The following SEC11A variants were observed in gnomAD, a reference collection of about 807,000 sequenced individuals.
The protein encoded by SEC11A is signal peptidase complex catalytic subunit SEC11A.
In SEC11A, 14 loss-of-function variants were observed where a neutral mutation model predicts 25.6. The observed-to-expected ratio is 0.55, with a 90% CI of 0.36 to 0.85. The LOEUF (loss-of-function observed/expected upper bound fraction) is 0.85. Ranked by LOEUF, SEC11A falls within the 40% of genes least tolerant of loss-of-function variation. The pLI is 0.01. For synonymous variants in SEC11A, 83 were observed against 76.4 expected (o/e 1.09, Z -0.45); for missense variants, 153 against 222.9 (o/e 0.69, Z 2.00).
chr15:84,704,710 C>T (rs1045946472), intron 1 of SEC11A, among the ~76,000 whole-genome samples: 3 of 152,102 alleles, frequency 2.0e-5, no homozygotes, highest in African/African-American at 7.2e-5. Flanking sequence ...CAGTAATTCA[C>T]GACTATAAAC....
intron 1 of SEC11A, among the ~76,000 whole-genome samples, chr15:84,697,730 T>A (rs527548011): frequency 6.6e-6 from 1 of 152,198 alleles, no homozygotes; most frequent in African/African-American, 2.4e-5. Flanking sequence ...GGAATGTATA[T>A]AATTGGAAAA....
At position 84,695,463 on chromosome 15, in the gene SEC11A, C is replaced by CA. The variant is rs1256181529; in HGVS notation, c.52-3820dup. 5.8e-3 allele frequency among the ~76,000 whole-genome samples: 691 copies of CA among 118,594 alleles called. 2 individuals are homozygous for CA. Among genetic ancestry groups the CA allele is most frequent in the African/African-American group, 0.018 (582 of 32,046 alleles). The allele number at this position is 118,594 out of a possible 152,430, so 77.8% of individuals were successfully genotyped here. On this transcript the variant is annotated intron_variant, in intron 1 of 5. Transcript: ENST00000268220. ...GGGCAACAAGGGCGAAACTCCGTCTCAAAAAAAAAAAAAGAAAAATTAGCT... is the reference window on the plus strand; with the variant it reads ...GGGCAACAAGGGCGAAACTCCGTCTCAAAAAAAAAAAAAAGAAAAATTAGCT...
chr15:84,684,334 T>C (rs1386292339), intron 3 of SEC11A, among the ~76,000 whole-genome samples: 6 of 152,148 alleles, frequency 3.9e-5, no homozygotes, highest in African/African-American at 1.4e-4. Context: ...GTTCTCATGA[T>C]AGTGAATAAG....
chr15:84,698,804 G>C (rs769104963), intron 1 of SEC11A, among the ~76,000 whole-genome samples: 3 of 152,078 alleles, frequency 2.0e-5, no homozygotes, highest in Non-Finnish European at 4.4e-5. Context: ...GAACATTTTG[G>C]ATTTTGGATA....
At chr15:84,701,702 TATC>T (rs1255718086) in intron 1 of SEC11A, among the ~76,000 whole-genome samples, 1 of 151,822 alleles carries the variant, frequency 6.6e-6, no homozygotes, top group Non-Finnish European at 1.5e-5. Context: ...GAAAAACACA[TATC>T]ATGCTTACAT....
intron 1 of SEC11A, among the ~76,000 whole-genome samples, chr15:84,698,749 G>A (rs1366676832): frequency 6.6e-6 from 1 of 151,990 alleles, no homozygotes; most frequent in African/African-American, 2.4e-5. Context: ...GCCTCAAACC[G>A]GAAATAACTC....
At chr15:84,674,458 A>C (rs1897082170) in intron 4 of SEC11A, among the ~76,000 whole-genome samples, 1 of 151,914 alleles carries the variant, frequency 6.6e-6, no homozygotes, top group South Asian at 2.1e-4. Flanking sequence ...ATACACAGAG[A>C]CTCTGTTACC....
intron 4 of SEC11A, among the ~76,000 whole-genome samples, chr15:84,680,470 T>C (rs1459975044): frequency 2.0e-5 from 3 of 152,180 alleles, no homozygotes; most frequent in Non-Finnish European, 2.9e-5. Flanking sequence ...TCACATCCAA[T>C]TCACCATCTC....
chr15:84,671,064 G>A (rs1896971668), intron 4 of SEC11A: 2 of 251,204 alleles, frequency 8.0e-6, no homozygotes, highest in African/African-American at 4.5e-5. Context: ...TCTCCAGGTG[G>A]TGACTCTAAT....
chr15:84,678,483 G>C (rs991801879), intron 4 of SEC11A, among the ~76,000 whole-genome samples: 2 of 152,142 alleles, frequency 1.3e-5, no homozygotes, highest in South Asian at 4.1e-4. Flanking sequence ...CTAACAACAG[G>C]AGACTGACTG....
At chr15:84,684,554 T>C (rs890750674) in intron 3 of SEC11A, among the ~76,000 whole-genome samples, 12 of 152,158 alleles carry the variant, frequency 7.9e-5, no homozygotes, top group African/African-American at 2.9e-4. Flanking sequence ...AACAGACTAA[T>C]ATACCTCCTA....
intron 4 of SEC11A, among the ~76,000 whole-genome samples, chr15:84,680,338 T>C (rs932375202): frequency 6.6e-6 from 1 of 151,412 alleles, no homozygotes. Flanking sequence ...GTAACTTTCA[T>C]GAGGCAGGAT....
chr15:84,674,899 G>T (rs752792461), intron 4 of SEC11A, among the ~76,000 whole-genome samples: 4 of 152,146 alleles, frequency 2.6e-5, no homozygotes, highest in Non-Finnish European at 5.9e-5. Flanking sequence ...TTTGCCCACT[G>T]TAAGTGAAAT....
At chr15:84,713,819 C>T (rs1005274956) in intron 1 of SEC11A, among the ~76,000 whole-genome samples, 4 of 152,128 alleles carry the variant, frequency 2.6e-5, no homozygotes, top group African/African-American at 7.2e-5. Flanking sequence ...CTAACCAACC[C>T]AGGTTAAAGA....
rs114216717 is a variant in SEC11A at position 84,687,200 on chromosome 15, G to C, written c.311+425C>G. Among the ~76,000 whole-genome samples the C allele has an allele frequency of 3.0e-3, 449 of 152,092 alleles. 4 individuals carry two copies. The highest frequency in any genetic ancestry group is 0.01 in the African/African-American group (425 of 41,502). Reference sequence around the variant, plus strand: ...TTTGGTTTTGTTTTGTTTTAATAGAGAAGGAGTCTCACCATGTTGCCCAGG... The same window carrying C: ...TTTGGTTTTGTTTTGTTTTAATAGACAAGGAGTCTCACCATGTTGCCCAGG... On this transcript the variant is annotated intron_variant, in intron 3 of 5. Coordinates refer to ENST00000268220, the MANE Select transcript of SEC11A (RefSeq NM_014300.4).
intron 1 of SEC11A, among the ~76,000 whole-genome samples, chr15:84,709,642 T>A (rs1222272064): frequency 1.3e-5 from 2 of 151,946 alleles, no homozygotes; most frequent in Non-Finnish European, 2.9e-5. Flanking sequence ...GGGGCTTCAC[T>A]ACGTTGGCCA....
chr15:84,704,436 T>C (rs1245514390), intron 1 of SEC11A, among the ~76,000 whole-genome samples: 1 of 152,146 alleles, frequency 6.6e-6, no homozygotes, highest in African/African-American at 2.4e-5. Flanking sequence ...CAACTCCAAA[T>C]CCACCCTCCT....
At chr15:84,712,313 A>C (rs1375921539) in intron 1 of SEC11A, among the ~76,000 whole-genome samples, 1 of 152,196 alleles carries the variant, frequency 6.6e-6, no homozygotes. Flanking sequence ...CAGTACACTG[A>C]CAACATGAAA....
intron 1 of SEC11A, among the ~76,000 whole-genome samples, chr15:84,692,286 C>G (rs1375021411): frequency 6.6e-6 from 1 of 152,148 alleles, no homozygotes; most frequent in Admixed American, 6.6e-5. Context: ...CCCACCTCCA[C>G]CTCCTAAAGG....
Sources: gnomAD v4.1 joint callset for allele counts (sites outside exome capture counted in the v4.1 genomes callset) on GRCh38, gnomAD v4.1.1 for gene constraint, MANE v1.5 for transcripts, NCBI Gene and HGNC (gene_info 2026-07-23, HGNC 2026-07-21) for gene names.